Variants in CSMD1 observed in about 807,000 individuals in gnomAD.
CSMD1 encodes CUB and sushi domain-containing protein 1.
CSMD1 carries 213 observed loss-of-function variants against 417.5 expected under a neutral mutation model. The observed-to-expected ratio is 0.51, with a 90% confidence interval of 0.46 to 0.57. The LOEUF (loss-of-function observed/expected upper bound fraction) is 0.57. Among genes scored for constraint, CSMD1 ranks in the 20% least tolerant of loss-of-function variants. CSMD1 has a pLI of 0.00. For synonymous variants in CSMD1, 2,862 were observed against 1,736.8 expected, an observed-to-expected ratio of 1.65 and a Z score of -16.11; for missense variants, 6,923 against 4,529.7, an observed-to-expected ratio of 1.53 and a Z score of -15.17.
rs73658584 is a variant in CSMD1 at position 4,118,189 on chromosome 8, C to T, written c.416-86090G>A. Among the ~76,000 whole-genome samples, 1,346 of 151,982 alleles carry T rather than the reference C, an allele frequency of 8.9e-3. 32 individuals carry two copies. The highest frequency in any genetic ancestry group is 0.031 in the African/African-American group (1,272 of 41,416). On this transcript the variant is annotated intron_variant, in intron 3 of 69. Coordinates refer to ENST00000635120, the MANE Select transcript of CSMD1 (RefSeq NM_033225.6). The stretch of plus-strand genomic sequence containing the variant: ...GGGTGTGTTGGTACATTTATGCTGG[C>T]AAATAGCTATTAATATTAAAAACTA...
intron 4 of CSMD1, among the ~76,000 whole-genome samples, chr8:4,014,733 G>C (rs1018012306): frequency 1.3e-5 from 2 of 152,132 alleles, no homozygotes; most frequent in Non-Finnish European, 2.9e-5. Flanking sequence ...TAAACACTTC[G>C]CATGACTGCC....
intron 1 of CSMD1, among the ~76,000 whole-genome samples, chr8:4,717,470 A>G (rs1021219523): frequency 4.6e-5 from 7 of 151,406 alleles, no homozygotes; most frequent in African/African-American, 1.7e-4. Context: ...ATATATATAT[A>G]CACACACACC....
chr8:3,766,461 C>T (rs1430035568), intron 5 of CSMD1, among the ~76,000 whole-genome samples: 1 of 152,178 alleles, frequency 6.6e-6, no homozygotes, highest in East Asian at 1.9e-4. Context: ...AGACAGGCCT[C>T]TCAGGCTTGC....
At chr8:3,849,422 A>C (rs1345520847) in intron 5 of CSMD1, among the ~76,000 whole-genome samples, 1 of 152,196 alleles carries the variant, frequency 6.6e-6, no homozygotes, top group Non-Finnish European at 1.5e-5. Context: ...GTCCTTGCTT[A>C]AATGTCAGAA....
At chr8:4,256,217 T>C (rs933234190) in intron 3 of CSMD1, among the ~76,000 whole-genome samples, 1 of 152,198 alleles carries the variant, frequency 6.6e-6, no homozygotes, top group Non-Finnish European at 1.5e-5. Context: ...TCAAAGTAAG[T>C]GCATTTGTGC....
Position 3,923,330 on chromosome 8 carries a change from A to G in CSMD1, c.818+74573T>C, listed in dbSNP as rs930362152. On this transcript the variant is annotated intron_variant, in intron 5 of 69. Coordinates refer to ENST00000635120, the MANE Select transcript of CSMD1 (RefSeq NM_033225.6). ...GGAGTTTATGTATGTATATATACACATACATCCACATACGTATATTTTTTT... is the reference window on the plus strand; with the variant it reads ...GGAGTTTATGTATGTATATATACACGTACATCCACATACGTATATTTTTTT... Among the ~76,000 whole-genome samples, 9 of 152,276 alleles carry G rather than the reference A, an allele frequency of 5.9e-5. No homozygotes were observed. The South Asian group carries it at 1.2e-3, about 21-fold the overall frequency.
chr8:4,046,040 G>T (rs1375950517), intron 3 of CSMD1, among the ~76,000 whole-genome samples: 1 of 152,040 alleles, frequency 6.6e-6, no homozygotes, highest in Non-Finnish European at 1.5e-5. Context: ...TAGGACTCAT[G>T]CAGATTAGAT....
chr8:2,971,845 T>C (rs1585072873), intron 57 of CSMD1, among the ~76,000 whole-genome samples: 1 of 152,206 alleles, frequency 6.6e-6, no homozygotes, highest in East Asian at 1.9e-4. Flanking sequence ...ATCAGTGGTA[T>C]TTGACCTAAG....
chr8:4,937,356 A>AC (rs1265845818), intron 1 of CSMD1, among the ~76,000 whole-genome samples: 7 of 152,218 alleles, frequency 4.6e-5, no homozygotes, highest in Admixed American at 2.6e-4. Flanking sequence ...GTGAAAGCAC[A>AC]CCTGCTGGGA....
chr8:4,951,709 G>T (rs1201477534), intron 1 of CSMD1, among the ~76,000 whole-genome samples: 1 of 151,616 alleles, frequency 6.6e-6, no homozygotes, highest in African/African-American at 2.4e-5. Context: ...GGTTCTACCA[G>T]AAGAATCTCC....
At chr8:4,442,051 C>G (rs1238065078) in intron 2 of CSMD1, among the ~76,000 whole-genome samples, 3 of 152,076 alleles carry the variant, frequency 2.0e-5, no homozygotes, top group Non-Finnish European at 4.4e-5. Flanking sequence ...TCTGGAAACC[C>G]ATTTTGTTTC....
intron 17 of CSMD1, among the ~76,000 whole-genome samples, chr8:3,393,169 C>T (rs775059848): frequency 3.3e-5 from 5 of 152,092 alleles, no homozygotes; most frequent in Non-Finnish European, 7.4e-5. Context: ...AGGTGACAAA[C>T]CTTTGAGAGC....
At chr8:4,019,151 G>C (rs528198092) in intron 4 of CSMD1, among the ~76,000 whole-genome samples, 14 of 152,218 alleles carry the variant, frequency 9.2e-5, no homozygotes, top group African/African-American at 2.9e-4. Flanking sequence ...TAAAGAAAAA[G>C]GAAAGAAACA....
intron 52 of CSMD1, among the ~76,000 whole-genome samples, chr8:3,016,947 G>C (rs952397667): frequency 1.3e-5 from 2 of 152,112 alleles, no homozygotes; most frequent in Non-Finnish European, 2.9e-5. Context: ...GATAGATAAA[G>C]GCTTATCAGG....
intron 1 of CSMD1, among the ~76,000 whole-genome samples, chr8:4,862,728 G>C (rs1243960491): frequency 3.9e-5 from 6 of 152,160 alleles, no homozygotes; most frequent in East Asian, 3.9e-4. Flanking sequence ...AGGACGTCTG[G>C]GCCGGAAATA....
intron 62 of CSMD1, among the ~76,000 whole-genome samples, chr8:2,960,055 G>C (rs1487032793): frequency 1.3e-5 from 2 of 152,152 alleles, no homozygotes; most frequent in Admixed American, 1.3e-4. Context: ...TTTAATTACT[G>C]TAAGTTGTAC....
At chr8:3,131,293 T>C (rs1817778516) in intron 41 of CSMD1, among the ~76,000 whole-genome samples, 1 of 151,538 alleles carries the variant, frequency 6.6e-6, no homozygotes, top group East Asian at 1.9e-4. Context: ...TGTATACATA[T>C]GTAACTAACC....
At chr8:3,831,890 G>C (rs1450612906) in intron 5 of CSMD1, among the ~76,000 whole-genome samples, 1 of 152,090 alleles carries the variant, frequency 6.6e-6, no homozygotes, top group African/African-American at 2.4e-5. Context: ...ATACAATATG[G>C]TAACCCAGAA....
At chr8:4,316,255 A>G (rs576408077) in intron 3 of CSMD1, among the ~76,000 whole-genome samples, 1 of 152,290 alleles carries the variant, frequency 6.6e-6, no homozygotes, top group South Asian at 2.1e-4. Context: ...GTGATTTTTC[A>G]TCCTCGAATC....
Sources: gnomAD v4.1 joint callset for allele counts (sites outside exome capture counted in the v4.1 genomes callset) on GRCh38, gnomAD v4.1.1 for gene constraint, MANE v1.5 for transcripts, NCBI Gene and HGNC (gene_info 2026-07-23, HGNC 2026-07-21) for gene names.